The following PTPRD variants were observed in gnomAD, a reference collection of about 807,000 sequenced individuals.
The protein encoded by PTPRD is protein tyrosine phosphatase receptor type D.
PTPRD carries 34 observed loss-of-function variants against 214.5 expected under a neutral mutation model. That is an observed-to-expected ratio of 0.16 (90% CI 0.12 to 0.21). PTPRD has a LOEUF of 0.21. Among genes scored for constraint, PTPRD ranks in the 10% least tolerant of loss-of-function variants. The pLI is 1.00. For missense variants in PTPRD, 2,545 were observed against 2,398.7 expected, an observed-to-expected ratio of 1.06 and a Z score of -1.27; for synonymous variants, 1,128 against 845.7, an observed-to-expected ratio of 1.33 and a Z score of -5.79.
chr9:9,346,097 C>T (rs565240403), intron 9 of PTPRD, among the ~76,000 whole-genome samples: 1 of 152,114 alleles, frequency 6.6e-6, no homozygotes, highest in African/African-American at 2.4e-5. Context: ...AAGTCTCTCA[C>T]ACCCCAGAGC....
At chr9:9,918,627 G>A (rs527500127) in intron 5 of PTPRD, among the ~76,000 whole-genome samples, 1 of 152,136 alleles carries the variant, frequency 6.6e-6, no homozygotes, top group East Asian at 1.9e-4. Context: ...AAAACTGAAG[G>A]CGTGACGCTA....
At chr9:8,687,358 A>G (rs1290968343) in intron 12 of PTPRD, among the ~76,000 whole-genome samples, 4 of 152,234 alleles carry the variant, frequency 2.6e-5, no homozygotes, top group Non-Finnish European at 5.9e-5. Context: ...AACTCTTCTA[A>G]CAGATTCAGA....
chr9:9,096,576 T>TTTC (rs2154435232), intron 10 of PTPRD, among the ~76,000 whole-genome samples: 1 of 152,316 alleles, frequency 6.6e-6, no homozygotes, highest in African/African-American at 2.4e-5. Flanking sequence ...ATATAGATGA[T>TTTC]TTCTTTTTTT....
At chr9:9,688,507 T>G (rs2097204573) in intron 7 of PTPRD, among the ~76,000 whole-genome samples, 1 of 151,810 alleles carries the variant, frequency 6.6e-6, no homozygotes, top group South Asian at 2.1e-4. Flanking sequence ...ATGATTAAGA[T>G]CAAAGGCTAA....
At chr9:9,942,011 A>T (rs1263328516) in intron 4 of PTPRD, among the ~76,000 whole-genome samples, 1 of 152,192 alleles carries the variant, frequency 6.6e-6, no homozygotes, top group African/African-American at 2.4e-5. Context: ...ACAATTGTTA[A>T]AACATTTATT....
At chr9:8,913,533 C>G (rs991011947) in intron 11 of PTPRD, among the ~76,000 whole-genome samples, 1 of 152,104 alleles carries the variant, frequency 6.6e-6, no homozygotes, top group East Asian at 1.9e-4. Context: ...TGGCATAGCT[C>G]ATATTTTTTT....
chr9:9,993,364 G>A (rs1175520467), intron 4 of PTPRD, among the ~76,000 whole-genome samples: 3 of 152,106 alleles, frequency 2.0e-5, no homozygotes, highest in Admixed American at 1.3e-4. Flanking sequence ...GTTCAAGGTC[G>A]TATGTTTTTT....
At chr9:9,753,023 T>C (rs1392462645) in intron 6 of PTPRD, among the ~76,000 whole-genome samples, 1 of 152,074 alleles carries the variant, frequency 6.6e-6, no homozygotes, top group African/African-American at 2.4e-5. Flanking sequence ...AGCTGCCCCC[T>C]TTTCACCTCT....
intron 10 of PTPRD, among the ~76,000 whole-genome samples, chr9:9,110,675 A>T (rs2099804798): frequency 6.6e-6 from 1 of 152,208 alleles, no homozygotes; most frequent in African/African-American, 2.4e-5. Flanking sequence ...TAGCTCTCAA[A>T]TATATCCTCT....
intron 2 of PTPRD, among the ~76,000 whole-genome samples, chr9:10,605,349 T>C (rs988871417): frequency 6.6e-6 from 1 of 151,900 alleles, no homozygotes; most frequent in African/African-American, 2.4e-5. Flanking sequence ...GACTGGTGCA[T>C]AGACTGTAAA....
intron 11 of PTPRD, among the ~76,000 whole-genome samples, chr9:8,900,717 G>A (rs897096250): frequency 2.0e-5 from 3 of 152,162 alleles, no homozygotes; most frequent in Non-Finnish European, 4.4e-5. Context: ...GAGAAAGACA[G>A]TCTTGTTTGT....
rs114480504 is a variant in PTPRD, at chr9:10,542,315, T to C, written c.-600+70083A>G. Among the ~76,000 whole-genome samples, 665 of 152,294 alleles carry C rather than the reference T, an allele frequency of 4.4e-3. 4 individuals are homozygous for C. The highest frequency in any genetic ancestry group is 0.015 in the African/African-American group (637 of 41,572). On this transcript the variant is annotated intron_variant, in intron 2 of 45. Coordinates refer to ENST00000381196, the MANE Select transcript of PTPRD (RefSeq NM_002839.4). The stretch of plus-strand genomic sequence containing the variant: ...TGAAAGGGTTTGAAAGATGGTATTC[T>C]ACTTACTATCCACTTGTTGCTTGGC...
chr9:9,441,341 G>C (rs994157831), intron 8 of PTPRD, among the ~76,000 whole-genome samples: 7 of 152,148 alleles, frequency 4.6e-5, no homozygotes, highest in African/African-American at 1.7e-4. Context: ...GTTTGAACTA[G>C]AAAGATGAAT....
At chr9:9,062,837 C>G (rs2099710064) in intron 10 of PTPRD, among the ~76,000 whole-genome samples, 2 of 152,238 alleles carry the variant, frequency 1.3e-5, no homozygotes, top group East Asian at 3.9e-4. Flanking sequence ...GCCTATTTTG[C>G]CATCCCAGGC....
chr9:8,552,115 G>A (rs1286372184), intron 14 of PTPRD, among the ~76,000 whole-genome samples: 3 of 152,038 alleles, frequency 2.0e-5, no homozygotes, highest in African/African-American at 2.4e-5. Context: ...TTTTTCAGGC[G>A]ATGGTCACAG....
At chr9:10,565,936 C>T (rs2065464775) in intron 2 of PTPRD, among the ~76,000 whole-genome samples, 1 of 152,012 alleles carries the variant, frequency 6.6e-6, no homozygotes, top group African/African-American at 2.4e-5. Context: ...ACTTTTACTT[C>T]ATCATTCTTC....
intron 30 of PTPRD, among the ~76,000 whole-genome samples, chr9:8,482,007 T>G (rs958157157): frequency 2.6e-5 from 4 of 152,074 alleles, no homozygotes; most frequent in African/African-American, 9.7e-5. Context: ...GGTCTCGAAC[T>G]CCTGACCTTG....
At chr9:9,346,936 G>A (rs531310424) in intron 9 of PTPRD, among the ~76,000 whole-genome samples, 44 of 152,006 alleles carry the variant, frequency 2.9e-4, no homozygotes, top group African/African-American at 9.2e-4. Context: ...CTGGTGATCC[G>A]CCCACCTCGG....
At chr9:9,238,952 C>G (rs2099968804) in intron 9 of PTPRD, among the ~76,000 whole-genome samples, 1 of 152,148 alleles carries the variant, frequency 6.6e-6, no homozygotes, top group South Asian at 2.1e-4. Context: ...TCTTTGGAAA[C>G]ATTCAGACAG....
Sources: allele counts gnomAD v4.1 joint callset (sites outside exome capture counted in the v4.1 genomes callset), GRCh38; gene constraint gnomAD v4.1.1; transcripts MANE v1.5; gene names NCBI Gene and HGNC (gene_info 2026-07-23, HGNC 2026-07-21).